LRRTM4: variants seen among roughly 807,000 people sequenced by gnomAD.
LRRTM4 encodes the protein leucine rich repeat transmembrane neuronal 4, also known as leucine-rich repeat transmembrane neuronal protein 4.
In LRRTM4, 25 loss-of-function variants were observed where a neutral mutation model predicts 47.6. That is an observed-to-expected ratio of 0.53 (90% confidence interval 0.38 to 0.73). LRRTM4 has a LOEUF of 0.73. LRRTM4 is among the 30% of genes least tolerant of loss of function. The probability of loss-of-function intolerance (pLI) is 0.00; values close to 1 mark genes in which losing one functional copy is unlikely to be tolerated. For synonymous variants in LRRTM4, 311 were observed against 269.5 expected, an observed-to-expected ratio of 1.15 and a Z score of -1.51; for missense variants, 638 against 713.4, an observed-to-expected ratio of 0.89 and a Z score of 1.20.
chr2:76,776,659 C>T (rs1573082690), intron 3 of LRRTM4, among the ~76,000 whole-genome samples: 4 of 149,402 alleles, frequency 2.7e-5, no homozygotes, highest in Non-Finnish European at 3.0e-5. Flanking sequence ...TGGATATTAG[C>T]CCTTTGTCAG....
intron 3 of LRRTM4, among the ~76,000 whole-genome samples, chr2:77,150,624 A>G (rs1672392104): frequency 6.6e-6 from 1 of 152,172 alleles, no homozygotes; most frequent in Non-Finnish European, 1.5e-5. Context: ...ATATTCACAC[A>G]TATATAATAT....
At chr2:76,945,063 T>C (rs1675278290) in intron 3 of LRRTM4, among the ~76,000 whole-genome samples, 1 of 152,052 alleles carries the variant, frequency 6.6e-6, no homozygotes. Flanking sequence ...AATTCAGCTT[T>C]AGGACAGGTA....
chr2:76,920,934 G>C (rs1674412673), intron 3 of LRRTM4, among the ~76,000 whole-genome samples: 1 of 151,998 alleles, frequency 6.6e-6, no homozygotes, highest in African/African-American at 2.4e-5. Flanking sequence ...ACGGAAATTT[G>C]CAAAGATTAT....
chr2:77,471,941 A>C (rs12465262), intron 3 of LRRTM4, among the ~76,000 whole-genome samples: 40,326 of 152,006 alleles, frequency 0.27, 5,634 homozygotes, highest in South Asian at 0.38. Flanking sequence ...TGTAACCCCA[A>C]ATCTAATCTT....
intron 3 of LRRTM4, among the ~76,000 whole-genome samples, chr2:76,780,210 C>G (rs538935199): frequency 6.6e-6 from 1 of 152,254 alleles, no homozygotes; most frequent in South Asian, 2.1e-4. Context: ...TCCTTCATTT[C>G]AACTTTGGTG....
intron 3 of LRRTM4, among the ~76,000 whole-genome samples, chr2:76,822,137 A>G (rs940857320): frequency 6.6e-6 from 1 of 151,590 alleles, no homozygotes; most frequent in African/African-American, 2.4e-5. Flanking sequence ...GAAAATATTT[A>G]CTCAAGAAAA....
At chr2:76,922,005 C>A (rs952531579) in intron 3 of LRRTM4, among the ~76,000 whole-genome samples, 1 of 152,110 alleles carries the variant, frequency 6.6e-6, no homozygotes, top group Non-Finnish European at 1.5e-5. Context: ...ATCTTGCTAT[C>A]TGTTGACAGA....
At chr2:77,143,039 C>T (rs1250046013) in intron 3 of LRRTM4, among the ~76,000 whole-genome samples, 1 of 152,086 alleles carries the variant, frequency 6.6e-6, no homozygotes, top group Non-Finnish European at 1.5e-5. Context: ...TGAACACCCC[C>T]AATAATCACA....
At chr2:77,080,649 CTCTT>C (rs60437848) in intron 3 of LRRTM4, among the ~76,000 whole-genome samples, 26,625 of 151,942 alleles carry the variant, frequency 0.18, 2,330 homozygotes, top group East Asian at 0.22. Context: ...CTTGACCTCT[CTCTT>C]TCTCATTTTA....
intron 3 of LRRTM4, among the ~76,000 whole-genome samples, chr2:77,436,225 A>G (rs912858043): frequency 5.3e-5 from 8 of 152,150 alleles, no homozygotes; most frequent in African/African-American, 1.9e-4. Flanking sequence ...TCGTTAATAG[A>G]CTATACACAT....
intron 3 of LRRTM4, among the ~76,000 whole-genome samples, chr2:76,939,517 C>T (rs1360544008): frequency 1.3e-5 from 2 of 151,600 alleles, no homozygotes; most frequent in Admixed American, 6.6e-5. Context: ...GGAAAGCTCC[C>T]GTGCAGTGAT....
intron 3 of LRRTM4, among the ~76,000 whole-genome samples, chr2:77,300,713 A>T (rs1351036840): frequency 1.3e-5 from 2 of 152,120 alleles, no homozygotes; most frequent in Non-Finnish European, 2.9e-5. Flanking sequence ...AACATATTTA[A>T]TATATTTAAT....
Position 77,305,011 on chromosome 2 carries a change from A to G in LRRTM4, c.1551+213307T>C, listed in dbSNP as rs562648100. Among the ~76,000 whole-genome samples the G allele has an allele frequency of 2.0e-5, 3 of 152,200 alleles. No individual in the cohort carries two copies. The East Asian group carries it at 5.8e-4, about 29-fold the overall frequency. ...CAATCTTTTCATTCATTCATTGTAG[A>G]TTAATTCATCATAGAAGATCATGTC... On this transcript the variant is annotated intron_variant, in intron 3 of 3. Coordinates refer to ENST00000409884, the MANE Select transcript of LRRTM4 (RefSeq NM_001134745.3).
At chr2:77,124,589 A>C (rs1451333486) in intron 3 of LRRTM4, among the ~76,000 whole-genome samples, 6 of 152,146 alleles carry the variant, frequency 3.9e-5, no homozygotes, top group Non-Finnish European at 5.9e-5. Flanking sequence ...ATCACACCAG[A>C]TGATTCATGC....
intron 3 of LRRTM4, among the ~76,000 whole-genome samples, chr2:77,446,365 T>C (rs1055910512): frequency 1.3e-5 from 2 of 151,992 alleles, no homozygotes; most frequent in African/African-American, 4.8e-5. Context: ...CCATAAATTG[T>C]CCATTATCCT....
intron 3 of LRRTM4, among the ~76,000 whole-genome samples, chr2:77,399,876 T>C (rs73941279): frequency 0.033 from 4,947 of 151,916 alleles, 279 homozygotes; most frequent in African/African-American, 0.11. Flanking sequence ...CTCACTTCGT[T>C]CACTTAGAAG....
At chr2:76,938,241 G>T (rs1398458960) in intron 3 of LRRTM4, among the ~76,000 whole-genome samples, 1 of 152,038 alleles carries the variant, frequency 6.6e-6, no homozygotes, top group Non-Finnish European at 1.5e-5. Flanking sequence ...GATTAGACTA[G>T]ATATTTTGAG....
At chr2:77,510,842 A>T (rs1482381547) in intron 3 of LRRTM4, among the ~76,000 whole-genome samples, 1 of 152,108 alleles carries the variant, frequency 6.6e-6, no homozygotes, top group Non-Finnish European at 1.5e-5. Context: ...AGTAAAAATT[A>T]TAAGTGTCAT....
At chr2:76,829,715 T>G (rs1032687400) in intron 3 of LRRTM4, among the ~76,000 whole-genome samples, 1 of 152,014 alleles carries the variant, frequency 6.6e-6, no homozygotes, top group Admixed American at 6.6e-5. Flanking sequence ...TTCTTTGGGA[T>G]GTTGATATTA....
Sources: allele counts gnomAD v4.1 joint callset (sites outside exome capture counted in the v4.1 genomes callset), GRCh38; gene constraint gnomAD v4.1.1; transcripts MANE v1.5; gene names NCBI Gene and HGNC (gene_info 2026-07-23, HGNC 2026-07-21).